Variants in NOS1AP observed in about 807,000 individuals in gnomAD.
NOS1AP encodes nitric oxide synthase 1 adaptor protein.
NOS1AP carries 21 observed loss-of-function variants against 56.2 expected under a neutral mutation model. The ratio of observed to expected loss-of-function variants is 0.37; its 90% confidence interval spans 0.26 to 0.54. The LOEUF (loss-of-function observed/expected upper bound fraction) is 0.54, where lower values mean the gene tolerates loss of function less well. NOS1AP is among the 20% of genes least tolerant of loss of function. NOS1AP has a pLI of 0.84. For missense variants in NOS1AP, 522 were observed against 657.8 expected (o/e 0.79, Z 2.26); for synonymous variants, 270 against 274.6 (o/e 0.98, Z 0.17).
chr1:162,249,734 C>G (rs1366208781), intron 2 of NOS1AP, among the ~76,000 whole-genome samples: 1 of 152,162 alleles, frequency 6.6e-6, no homozygotes, highest in African/African-American at 2.4e-5. Context: ...GGTTCCTGCT[C>G]TAATGAAGTT....
At position 162,070,248 on chromosome 1, in the gene NOS1AP, A is replaced by T; in HGVS notation, c.71A>T (p.Asp24Val). Residue 24 changes from aspartate to valine, a missense_variant, in exon 1 of 10, where the codon GAC becomes GTC. Around this residue, in one of 4 missense-constraint regions of NOS1AP, gnomAD observed 132 missense variants for 218.1 expected, o/e 0.61. Transcript: ENST00000361897. ...HDLRIPLHNE[D>V]AFQHGICFEA... ...CTGCGGATCCCCTTGCACAACGAGGACGCCTTCCAGCACGGCATCTGCTTT... is the reference window on the plus strand; with the variant it reads ...CTGCGGATCCCCTTGCACAACGAGGTCGCCTTCCAGCACGGCATCTGCTTT... 6.2e-7 allele frequency: 1 copy of T among 1,613,958 alleles called. No individual in the cohort carries two copies. The highest frequency in any genetic ancestry group is 1.3e-5 in the African/African-American group (1 of 75,046).
At chr1:162,073,818 G>A (rs1325583965) in intron 1 of NOS1AP, among the ~76,000 whole-genome samples, 1 of 152,200 alleles carries the variant, frequency 6.6e-6, no homozygotes, top group East Asian at 1.9e-4. Context: ...CTGCTTGCCA[G>A]GGAAACCTGT....
intron 1 of NOS1AP, among the ~76,000 whole-genome samples, chr1:162,129,164 C>T (rs983244735): frequency 1.3e-5 from 2 of 151,994 alleles, no homozygotes; most frequent in Non-Finnish European, 1.5e-5. Flanking sequence ...GTGTTCGTTC[C>T]TCTTTATGAC....
At chr1:162,114,145 C>T (rs976024232) in intron 1 of NOS1AP, among the ~76,000 whole-genome samples, 1 of 152,178 alleles carries the variant, frequency 6.6e-6, no homozygotes, top group African/African-American at 2.4e-5. Context: ...GTCTTTCACT[C>T]TAAAACCCCA....
At chr1:162,278,734 A>T (rs762180748) in intron 2 of NOS1AP, among the ~76,000 whole-genome samples, 9 of 150,208 alleles carry the variant, frequency 6.0e-5, no homozygotes, top group Non-Finnish European at 1.2e-4. Context: ...ATACTGTGGT[A>T]ACAGTGTTAT....
At chr1:162,335,946 G>A (rs1218254526) in intron 5 of NOS1AP, among the ~76,000 whole-genome samples, 1 of 152,128 alleles carries the variant, frequency 6.6e-6, no homozygotes, top group African/African-American at 2.4e-5. Context: ...CTGTACCTAT[G>A]GATCTTCCTT....
At position 162,263,310 on chromosome 1, in the gene NOS1AP, C is replaced by T. The variant is rs144270149; in HGVS notation, c.178-24034C>T. 1.1e-3 allele frequency among the ~76,000 whole-genome samples: 171 copies of T among 152,250 alleles called. 1 individual carries two copies. The highest frequency in any genetic ancestry group is 3.8e-3 in the African/African-American group (157 of 41,546). On this transcript the variant is annotated intron_variant, in intron 2 of 9. Transcript: ENST00000361897. ...TCACGGTACTGGCCTCTGGCAAAGC[C>T]CTTTATGCTGTGTCCATACATGGAG...
chr1:162,154,808 G>T (rs147937943), intron 2 of NOS1AP, among the ~76,000 whole-genome samples: 11 of 152,180 alleles, frequency 7.2e-5, no homozygotes, highest in African/African-American at 2.6e-4. Context: ...TAGGGAAAAG[G>T]TTTAGTAATG....
chr1:162,133,683 T>C (rs1199025941), intron 1 of NOS1AP, among the ~76,000 whole-genome samples: 5 of 152,252 alleles, frequency 3.3e-5, no homozygotes, highest in African/African-American at 1.2e-4. Flanking sequence ...TTTATTGGAC[T>C]ATTTTATGAA....
chr1:162,194,761 G>C (rs965283350), intron 2 of NOS1AP, among the ~76,000 whole-genome samples: 3 of 152,180 alleles, frequency 2.0e-5, no homozygotes, highest in Non-Finnish European at 4.4e-5. Context: ...GGGGCTGAGA[G>C]ACACAGAAGG....
chr1:162,243,139 G>T (rs1197032518), intron 2 of NOS1AP, among the ~76,000 whole-genome samples: 1 of 152,156 alleles, frequency 6.6e-6, no homozygotes, highest in Non-Finnish European at 1.5e-5. Flanking sequence ...GTGATATCCT[G>T]ATTGAAGTCT....
At chr1:162,241,216 G>A (rs1280850969) in intron 2 of NOS1AP, among the ~76,000 whole-genome samples, 1 of 152,364 alleles carries the variant, frequency 6.6e-6, no homozygotes, top group East Asian at 1.9e-4. Flanking sequence ...AAGGGAAGCA[G>A]AGGAGAGGTG....
At chr1:162,173,291 T>C (rs1650893185) in intron 2 of NOS1AP, among the ~76,000 whole-genome samples, 2 of 152,178 alleles carry the variant, frequency 1.3e-5, no homozygotes, top group African/African-American at 2.4e-5. Flanking sequence ...CCACCACAGC[T>C]GTCCTCCACT....
intron 1 of NOS1AP, among the ~76,000 whole-genome samples, chr1:162,093,823 G>A (rs1437974645): frequency 6.6e-6 from 1 of 152,146 alleles, no homozygotes; most frequent in Non-Finnish European, 1.5e-5. Flanking sequence ...AAAGTGTTGG[G>A]ATTACAGGCA....
At chr1:162,297,622 T>C (rs1374095938) in intron 3 of NOS1AP, among the ~76,000 whole-genome samples, 1 of 152,140 alleles carries the variant, frequency 6.6e-6, no homozygotes, top group Non-Finnish European at 1.5e-5. Context: ...AAATGTTTGT[T>C]AAAGCTACAG....
chr1:162,279,740 A>G (rs192854707), intron 2 of NOS1AP, among the ~76,000 whole-genome samples: 31 of 152,314 alleles, frequency 2.0e-4, no homozygotes, highest in African/African-American at 6.0e-4. Flanking sequence ...GAGACAGCTC[A>G]TTAACCATGT....
chr1:162,345,939 A>G (rs1657280597), intron 6 of NOS1AP, among the ~76,000 whole-genome samples: 1 of 152,212 alleles, frequency 6.6e-6, no homozygotes, highest in South Asian at 2.1e-4. Context: ...AAAATCCTGG[A>G]AAAGATGAAT....
intron 2 of NOS1AP, among the ~76,000 whole-genome samples, chr1:162,163,371 A>G (rs12129253): frequency 0.038 from 5,744 of 152,302 alleles, 171 homozygotes; most frequent in Admixed American, 0.055. Context: ...ATTCTCATCA[A>G]TATAAAGAGC....
intron 2 of NOS1AP, among the ~76,000 whole-genome samples, chr1:162,240,244 AGTGTGTGTGTGT>A (rs5778260): frequency 1.5e-4 from 21 of 141,302 alleles, no homozygotes; most frequent in Non-Finnish European, 2.3e-4. Context: ...CTGTGTGGCC[AGTGTGTGTGTGT>A]GTGTGTGTGT....
Sources: gnomAD v4.1 joint callset for allele counts (sites outside exome capture counted in the v4.1 genomes callset) on GRCh38, gnomAD v4.1.1 for gene constraint, gnomAD v4.1.1 regional missense constraint, MANE v1.5 for transcripts, NCBI Gene and HGNC (gene_info 2026-07-23, HGNC 2026-07-21) for gene names.